Variants in WDSUB1 observed in about 807,000 individuals in gnomAD.
WDSUB1 encodes WD repeat, SAM and U-box domain-containing protein 1.
In WDSUB1, 49 loss-of-function variants were observed where a neutral mutation model predicts 53.9. The observed-to-expected ratio is 0.91, with a 90% confidence interval of 0.72 to 1.15. WDSUB1 has a LOEUF of 1.15. Among genes scored for constraint, WDSUB1 ranks in the 50% most tolerant of loss-of-function variants. The pLI, the probability that WDSUB1 is intolerant of heterozygous loss-of-function variation, is 0.00. For synonymous variants in WDSUB1, 194 were observed against 200.6 expected (o/e 0.97, Z 0.28); for missense variants, 514 against 562.0 (o/e 0.91, Z 0.86).
intron 10 of WDSUB1, among the ~76,000 whole-genome samples, chr2:159,239,505 G>A (rs2060585002): frequency 7.7e-6 from 1 of 129,724 alleles, no homozygotes; most frequent in Non-Finnish European, 1.5e-5. Flanking sequence ...GTTTTTTTTG[G>A]TGGGGGGGCA....
At chr2:159,241,913 G>A (rs781696736) in intron 10 of WDSUB1, among the ~76,000 whole-genome samples, 1 of 146,298 alleles carries the variant, frequency 6.8e-6, no homozygotes, top group Admixed American at 6.6e-5. Flanking sequence ...TATAAACAGA[G>A]TAAGAGTTAA....
chr2:159,257,803 T>C lies in WDSUB1; in HGVS notation c.907A>G (p.Lys303Glu), dbSNP rs1256897813. ...TLLLATGSMDKTVNIWQFDLE... is the reference protein window; with the variant it reads ...TLLLATGSMDETVNIWQFDLE... Reference sequence around the variant, plus strand: ...TCAAATTGCCAGATGTTCACTGTTTTGTCCATTGAACCAGTAGCAAGTAAA... The same window carrying C: ...TCAAATTGCCAGATGTTCACTGTTTCGTCCATTGAACCAGTAGCAAGTAAA... The change falls in exon 8 of 11, where the codon AAA becomes GAA. Residue 303 changes from lysine to glutamate, a missense_variant. Lys to Glu is a moderately conservative substitution (Grantham distance 56). Coordinates refer to ENST00000359774, the MANE Select transcript of WDSUB1 (RefSeq NM_001128212.3). The C allele has an allele frequency of 1.2e-6, 2 of 1,614,240 alleles. No individual in the cohort carries two copies. The highest frequency in any genetic ancestry group is 1.7e-5 in the Admixed American group (1 of 60,030).
At chr2:159,255,356 A>T (rs1164331207) in intron 9 of WDSUB1, among the ~76,000 whole-genome samples, 1 of 151,862 alleles carries the variant, frequency 6.6e-6, no homozygotes, top group Non-Finnish European at 1.5e-5. Context: ...AGTCCCAGCT[A>T]CTCGGGAGGC....
In WDSUB1 at chr2:159,248,434, A is replaced by G. The variant is rs112634669; in HGVS notation, c.1211T>C (p.Ile404Thr). 6.2e-7 allele frequency: 1 copy of G among 1,608,288 alleles called. No individual in the cohort carries two copies. Among genetic ancestry groups the G allele is most frequent in the South Asian group, 1.1e-5 (1 of 89,724 alleles). ...RTKVKSLSSG[I>T]PDEFICPITR... Reference sequence around the variant, plus strand: ...TATTGGACATATAAATTCATCAGGAATTCCTGAAGAAAGGGATTTAACCTT... The same window carrying G: ...TATTGGACATATAAATTCATCAGGAGTTCCTGAAGAAAGGGATTTAACCTT... Residue 404 changes from isoleucine (I) to threonine (T), a missense_variant, in exon 10 of 11, where the codon ATT becomes ACT. Ile to Thr is a moderately conservative substitution (Grantham distance 89). Transcript: ENST00000359774.
At position 159,235,994 on chromosome 2, in the gene WDSUB1, G is replaced by A; in HGVS notation, c.*39C>T. On this transcript the variant is annotated 3_prime_UTR_variant, in exon 11 of 11. Coordinates refer to ENST00000359774, the MANE Select transcript of WDSUB1 (RefSeq NM_001128212.3). ...GTATTTACCTATAAATCATTCAAAT[G>A]AGATCACTGAAAATATAAATAATAC... 5 of 1,544,984 alleles carry A rather than the reference G, an allele frequency of 3.2e-6. No individual in the cohort carries two copies. Among genetic ancestry groups the A allele is most frequent in the South Asian group, 1.3e-5 (1 of 78,504 alleles).
chr2:159,280,060 G>C (rs2061622279), intron 2 of WDSUB1, 115 bp from the exon 3 acceptor site: 2 of 922,970 alleles, frequency 2.2e-6, no homozygotes, highest in East Asian at 2.7e-5. Context: ...CACAGAACTA[G>C]AGAGAAAGGA....
At chr2:159,280,467 G>A (rs1031301122) in intron 2 of WDSUB1, among the ~76,000 whole-genome samples, 11 of 151,604 alleles carry the variant, frequency 7.3e-5, no homozygotes, top group South Asian at 6.3e-4. Flanking sequence ...CGAGGCGGGC[G>A]GATCACGAGG....
intron 9 of WDSUB1, among the ~76,000 whole-genome samples, chr2:159,254,370 G>A (rs2061015435): frequency 6.6e-6 from 1 of 152,122 alleles, no homozygotes; most frequent in African/African-American, 2.4e-5. Flanking sequence ...GACCAGCCTG[G>A]GCAAAGTAGT....
chr2:159,261,972 T>C (rs1358285191), intron 5 of WDSUB1, among the ~76,000 whole-genome samples: 3 of 142,358 alleles, frequency 2.1e-5, no homozygotes, highest in Non-Finnish European at 3.0e-5. Context: ...TTTTGGTTAA[T>C]TGACCTAGAG....
intron 8 of WDSUB1, among the ~76,000 whole-genome samples, chr2:159,256,692 A>G (rs184691010): frequency 2.0e-5 from 3 of 152,294 alleles, no homozygotes; most frequent in African/African-American, 7.2e-5. Flanking sequence ...TATAAAATTC[A>G]TACCAGCAAA....
intron 5 of WDSUB1, among the ~76,000 whole-genome samples, chr2:159,263,094 A>G (rs1178957021): frequency 1.3e-5 from 2 of 152,220 alleles, no homozygotes; most frequent in Non-Finnish European, 2.9e-5. Flanking sequence ...CAGCTACTGG[A>G]CAACATCAAC....
At chr2:159,236,255 A>G in intron 10 of WDSUB1, 65 bp from the exon 11 acceptor site, 1 of 1,502,070 alleles carries the variant, frequency 6.7e-7, no homozygotes, top group Non-Finnish European at 9.0e-7. Context: ...TCTAAAATGA[A>G]GTGAATGTAA....
chr2:159,265,096 A>AT (rs1275095504), intron 5 of WDSUB1, among the ~76,000 whole-genome samples: 2 of 145,834 alleles, frequency 1.4e-5, no homozygotes, highest in African/African-American at 5.5e-5. Context: ...AAAAAAAAAA[A>AT]AAATAAAACA....
intron 10 of WDSUB1, among the ~76,000 whole-genome samples, chr2:159,241,296 GTTGTAACATAAGATGATTCTAAAAT>G (rs1461784712): frequency 1.3e-5 from 2 of 152,200 alleles, no homozygotes; most frequent in African/African-American, 2.4e-5. Context: ...ACCACTTTGT[GTTGTAACATAAGATGATTCTAAAAT>G]TTATCTTGGC....
At chr2:159,244,636 AGCTACTG>A (rs1361418773) in intron 10 of WDSUB1, among the ~76,000 whole-genome samples, 1 of 152,154 alleles carries the variant, frequency 6.6e-6, no homozygotes, top group African/African-American at 2.4e-5. Flanking sequence ...TAAAAATATG[AGCTACTG>A]GCCAGGCTCA....
chr2:159,271,455 A>G (rs2061442045), intron 5 of WDSUB1, among the ~76,000 whole-genome samples: 2 of 152,216 alleles, frequency 1.3e-5, no homozygotes, highest in Admixed American at 6.5e-5. Context: ...TGACAAAATA[A>G]TTCATATTGC....
intron 5 of WDSUB1, among the ~76,000 whole-genome samples, chr2:159,267,872 T>C (rs1187070573): frequency 6.6e-6 from 1 of 152,226 alleles, no homozygotes; most frequent in Non-Finnish European, 1.5e-5. Context: ...GTTTATTAAT[T>C]TACATTTCTC....
intron 9 of WDSUB1, 27 bp from the exon 10 acceptor site, chr2:159,248,539 G>A: frequency 6.8e-7 from 1 of 1,477,216 alleles, no homozygotes; most frequent in Non-Finnish European, 8.9e-7. Flanking sequence ...GTTAGGGCTG[G>A]ATAACTACTA....
intron 5 of WDSUB1, among the ~76,000 whole-genome samples, chr2:159,261,770 T>G (rs2061193146): frequency 6.8e-6 from 1 of 147,614 alleles, no homozygotes; most frequent in Non-Finnish European, 1.5e-5. Flanking sequence ...GCTACATGGC[T>G]GGGGGTCAGG....
Sources: allele counts gnomAD v4.1 joint callset (sites outside exome capture counted in the v4.1 genomes callset), GRCh38; gene constraint gnomAD v4.1.1; transcripts MANE v1.5; gene names NCBI Gene and HGNC (gene_info 2026-07-23, HGNC 2026-07-21).